Variants in GRID2 observed in about 807,000 individuals in gnomAD.
The protein encoded by GRID2 is glutamate receptor ionotropic, delta-2.
A neutral mutation model predicts 114.8 loss-of-function variants in GRID2; 33 were observed. The observed-to-expected ratio is 0.29, with a 90% CI of 0.22 to 0.38. The LOEUF is 0.38. GRID2 is among the 10% of genes least tolerant of loss of function. GRID2 has a pLI of 1.00. For synonymous variants in GRID2, 505 were observed against 449.9 expected, an observed-to-expected ratio of 1.12 and a Z score of -1.55; for missense variants, 1,184 against 1,257.7, an observed-to-expected ratio of 0.94 and a Z score of 0.89.
At chr4:93,237,274 A>C (rs925278851) in intron 7 of GRID2, among the ~76,000 whole-genome samples, 1 of 152,000 alleles carries the variant, frequency 6.6e-6, no homozygotes, top group Non-Finnish European at 1.5e-5. Flanking sequence ...TATTATAAAA[A>C]TACAATAGAT....
intron 2 of GRID2, among the ~76,000 whole-genome samples, chr4:92,766,184 C>T (rs1384286005): frequency 6.6e-6 from 1 of 152,070 alleles, no homozygotes. Flanking sequence ...AATTTTCTGC[C>T]AGAAGAAGTC....
intron 2 of GRID2, among the ~76,000 whole-genome samples, chr4:92,945,852 C>A (rs1751586293): frequency 6.6e-6 from 1 of 152,040 alleles, no homozygotes; most frequent in African/African-American, 2.4e-5. Flanking sequence ...TGCCTCCCAA[C>A]CCTCTAAGTG....
chr4:93,018,222 G>GAA lies in GRID2; in HGVS notation c.245-66758_245-66757dup, dbSNP rs3078566. Among the ~76,000 whole-genome samples the GAA allele has an allele frequency of 1.6e-3, 230 of 139,446 alleles. 3 individuals are homozygous for GAA. Among genetic ancestry groups the GAA allele is most frequent in the Admixed American group, 0.011 (159 of 14,180 alleles). The allele number at this position is 139,446 out of a possible 152,430, so 91.5% of individuals were successfully genotyped here. On this transcript the variant is annotated intron_variant, in intron 2 of 15. Coordinates refer to ENST00000282020, the MANE Select transcript of GRID2 (RefSeq NM_001510.4). ...TTTTAAGTTCCCAGTGTATTTTGTT[G>GAA]AAAAAAAAAAAAAAAACCTACAAGG...
chr4:92,754,733 G>A (rs763577522), intron 2 of GRID2, among the ~76,000 whole-genome samples: 55 of 152,194 alleles, frequency 3.6e-4, no homozygotes, highest in Admixed American at 1.4e-3. Flanking sequence ...GACTTAAAAT[G>A]ACCATTTGGG....
intron 14 of GRID2, among the ~76,000 whole-genome samples, chr4:93,663,215 G>A (rs1209134082): frequency 2.0e-5 from 3 of 152,166 alleles, no homozygotes; most frequent in African/African-American, 7.2e-5. Flanking sequence ...CATCATCAAT[G>A]AGAACTTCAA....
intron 2 of GRID2, among the ~76,000 whole-genome samples, chr4:92,944,580 C>T (rs1751465253): frequency 2.0e-5 from 3 of 152,224 alleles, no homozygotes; most frequent in African/African-American, 2.4e-5. Flanking sequence ...CACCCACTGT[C>T]TGACACTCCC....
At chr4:93,126,949 A>G (rs889828123) in intron 4 of GRID2, among the ~76,000 whole-genome samples, 4 of 152,108 alleles carry the variant, frequency 2.6e-5, no homozygotes, top group African/African-American at 9.7e-5. Context: ...CTGTCCTATG[A>G]TAATTACTTT....
At chr4:92,529,800 T>C (rs2149148876) in intron 1 of GRID2, among the ~76,000 whole-genome samples, 1 of 152,280 alleles carries the variant, frequency 6.6e-6, no homozygotes, top group East Asian at 1.9e-4. Context: ...AAGTAAAAGC[T>C]AGAGTTATAG....
At chr4:93,576,805 G>C (rs780442922) in intron 13 of GRID2, among the ~76,000 whole-genome samples, 3 of 152,050 alleles carry the variant, frequency 2.0e-5, no homozygotes, top group Non-Finnish European at 4.4e-5. Context: ...GTACATATGT[G>C]TTTTAGTGTT....
At position 92,927,785 on chromosome 4, in the gene GRID2, G is replaced by A. The variant is rs530666288; in HGVS notation, c.245-157210G>A. Among the ~76,000 whole-genome samples the A allele has an allele frequency of 4.0e-5, 6 of 151,826 alleles. No homozygotes were observed. The East Asian group carries it at 1.2e-3, about 29-fold the overall frequency. On this transcript the variant is annotated intron_variant, in intron 2 of 15. Coordinates refer to ENST00000282020, the MANE Select transcript of GRID2 (RefSeq NM_001510.4). ...TATGGAGATATTTACAAGCCTTTTT[G>A]TGAAGTAATATTTATACAACACTTC...
intron 2 of GRID2, among the ~76,000 whole-genome samples, chr4:92,799,242 A>G (rs1305379937): frequency 1.3e-5 from 2 of 151,904 alleles, no homozygotes; most frequent in Non-Finnish European, 2.9e-5. Context: ...GGCGCAACCT[A>G]GATCCTTCTC....
At chr4:92,801,717 A>G (rs1356276766) in intron 2 of GRID2, among the ~76,000 whole-genome samples, 1 of 151,990 alleles carries the variant, frequency 6.6e-6, no homozygotes, top group African/African-American at 2.4e-5. Context: ...GTGTAATAAT[A>G]CATATAGGCT....
intron 2 of GRID2, among the ~76,000 whole-genome samples, chr4:92,992,737 TCTC>T (rs1235278122): frequency 6.6e-6 from 1 of 152,180 alleles, no homozygotes; most frequent in Non-Finnish European, 1.5e-5. Context: ...GCTTCCTGCC[TCTC>T]CTCTATATTT....
chr4:92,910,253 CA>C (rs1253548760), intron 2 of GRID2, among the ~76,000 whole-genome samples: 14 of 151,788 alleles, frequency 9.2e-5, no homozygotes, highest in African/African-American at 3.1e-4. Context: ...TAATCAGAAT[CA>C]CCTGGGAAGA....
At chr4:92,965,836 T>A (rs931527668) in intron 2 of GRID2, among the ~76,000 whole-genome samples, 3 of 152,092 alleles carry the variant, frequency 2.0e-5, no homozygotes, top group East Asian at 1.9e-4. Flanking sequence ...TTTCTCTTAT[T>A]CTGATTTGCT....
intron 5 of GRID2, among the ~76,000 whole-genome samples, chr4:93,211,172 G>A (rs564836547): frequency 6.6e-6 from 1 of 151,908 alleles, no homozygotes; most frequent in South Asian, 2.1e-4. Flanking sequence ...GAACTTAAAA[G>A]TATAAACTGA....
chr4:92,566,285 T>C (rs1380638690), intron 1 of GRID2, among the ~76,000 whole-genome samples: 1 of 151,862 alleles, frequency 6.6e-6, no homozygotes, highest in Non-Finnish European at 1.5e-5. Flanking sequence ...GAAATATTTC[T>C]GTTTTTTTTT....
intron 4 of GRID2, among the ~76,000 whole-genome samples, chr4:93,116,444 T>C (rs1261613321): frequency 6.6e-6 from 1 of 152,232 alleles, no homozygotes; most frequent in African/African-American, 2.4e-5. Context: ...GATATGATTA[T>C]ATTTAGTTTT....
intron 11 of GRID2, among the ~76,000 whole-genome samples, chr4:93,483,916 T>C (rs566734973): frequency 9.2e-5 from 14 of 151,980 alleles, no homozygotes; most frequent in Admixed American, 8.5e-4. Context: ...CAATACTTTT[T>C]TAGCAAGGTG....
Sources: gnomAD v4.1 joint callset for allele counts (sites outside exome capture counted in the v4.1 genomes callset) on GRCh38, gnomAD v4.1.1 for gene constraint, MANE v1.5 for transcripts, NCBI Gene and HGNC (gene_info 2026-07-23, HGNC 2026-07-21) for gene names.